PRELID2: variants seen among roughly 807,000 people sequenced by gnomAD.
PRELID2 encodes the protein PRELI domain containing 2.
In PRELID2, 25 loss-of-function variants were observed where a neutral mutation model predicts 28.4. The ratio of observed to expected loss-of-function variants is 0.88; its 90% CI spans 0.64 to 1.23. The LOEUF is 1.23. Among genes scored for constraint, PRELID2 ranks in the 50% most tolerant of loss-of-function variants. The pLI is 0.00. For missense variants in PRELID2, 201 were observed against 214.4 expected (o/e 0.94, Z 0.39); for synonymous variants, 76 against 71.6 (o/e 1.06, Z -0.31).
chr5:145,835,231 C>A lies in PRELID2; in HGVS notation c.21G>T (p.Val7=). Residue 7 remains valine, a synonymous_variant, in exon 1 of 7, where the codon GTG becomes GTT. Coordinates refer to ENST00000683046, the MANE Select transcript of PRELID2 (RefSeq NM_205846.3). Reference sequence around the variant, plus strand: ...CGAAGGGGTACTTGTACACCTGGTGCACATCCACCGAGACCCCCATCCCCG... The same window carrying A: ...CGAAGGGGTACTTGTACACCTGGTGAACATCCACCGAGACCCCCATCCCCG... The part of the protein sequence containing the change: MGVSVD[V]HQVYKYPFEQ... The A allele has an allele frequency of 6.5e-7, 1 of 1,548,608 alleles. No homozygotes were observed. Among genetic ancestry groups the A allele is most frequent in the South Asian group, 1.2e-5 (1 of 83,778 alleles).
At chr5:145,644,193 T>C (rs993975120) in intron 1 of PRELID2, among the ~76,000 whole-genome samples, 1 of 140,968 alleles carries the variant, frequency 7.1e-6, no homozygotes, top group Non-Finnish European at 1.5e-5. Flanking sequence ...ATTTCAGAAC[T>C]TGGTATTGGT....
At chr5:145,387,680 C>T in the PRELID2 span, among the ~76,000 whole-genome samples, 63 of 152,184 alleles carry the variant, frequency 4.1e-4, no homozygotes, top group African/African-American at 1.5e-3. Flanking sequence ...ATCTGTAATA[C>T]CAGCACTTTG....
chr5:145,615,170 T>C (rs1055628634), intron 1 of PRELID2, among the ~76,000 whole-genome samples: 4 of 152,190 alleles, frequency 2.6e-5, no homozygotes, highest in African/African-American at 9.7e-5. Context: ...TCCCTCTTTG[T>C]CTCTTTTAAC....
At chr5:145,266,188 G>T in the PRELID2 span, among the ~76,000 whole-genome samples, 1 of 151,856 alleles carries the variant, frequency 6.6e-6, no homozygotes, top group African/African-American at 2.4e-5. Context: ...CTTTCCAGGG[G>T]ATGTTGGGGA....
chr5:145,230,510 T>C, the PRELID2 span, among the ~76,000 whole-genome samples: 57,775 of 151,574 alleles, frequency 0.38, 11,851 homozygotes, highest in African/African-American at 0.51. Flanking sequence ...ATCTGGGAGG[T>C]GGAGGTTGCA....
the PRELID2 span, among the ~76,000 whole-genome samples, chr5:145,236,801 C>A: frequency 2.6e-4 from 39 of 152,244 alleles, 1 homozygote; most frequent in East Asian, 2.3e-3. Context: ...CCTTCCACAC[C>A]TTTAAGGAAA....
At chr5:145,345,448 C>T in the PRELID2 span, among the ~76,000 whole-genome samples, 4 of 151,884 alleles carry the variant, frequency 2.6e-5, no homozygotes, top group Admixed American at 1.3e-4. Flanking sequence ...TCAAAATGTT[C>T]CTCCCTCTCT....
intron 5 of PRELID2, among the ~76,000 whole-genome samples, chr5:145,767,076 T>C (rs575701115): frequency 1.3e-5 from 2 of 151,972 alleles, no homozygotes; most frequent in East Asian, 3.9e-4. Flanking sequence ...AGAATATACA[T>C]TCCCGTTTTC....
intron 1 of PRELID2, among the ~76,000 whole-genome samples, chr5:145,627,640 T>G (rs1280800451): frequency 6.7e-6 from 1 of 150,320 alleles, no homozygotes; most frequent in African/African-American, 2.5e-5. Flanking sequence ...CTGGACTACC[T>G]CTCTCACATA....
At chr5:145,275,046 A>C in the PRELID2 span, among the ~76,000 whole-genome samples, 145 of 152,212 alleles carry the variant, frequency 9.5e-4, no homozygotes, top group African/African-American at 3.4e-3. Flanking sequence ...GTGATATTGG[A>C]TTAGGGCTCA....
chr5:145,325,995 A>C, the PRELID2 span, among the ~76,000 whole-genome samples: 2 of 152,258 alleles, frequency 1.3e-5, no homozygotes, highest in South Asian at 2.1e-4. Flanking sequence ...ATTGGACAAC[A>C]ACACACAATT....
At chr5:145,434,099 T>C in the PRELID2 span, among the ~76,000 whole-genome samples, 1 of 152,198 alleles carries the variant, frequency 6.6e-6, no homozygotes, top group Non-Finnish European at 1.5e-5. Flanking sequence ...CCATGCTGCT[T>C]CTTTCCAAGT....
At chr5:145,400,954 TCC>T in the PRELID2 span, among the ~76,000 whole-genome samples, 5 of 152,022 alleles carry the variant, frequency 3.3e-5, no homozygotes, top group Admixed American at 6.6e-5. Context: ...AAAGGATGCC[TCC>T]CAGGGATTCA....
At chr5:145,818,300 A>T (rs1206396078) in intron 3 of PRELID2, among the ~76,000 whole-genome samples, 1 of 152,144 alleles carries the variant, frequency 6.6e-6, no homozygotes, top group African/African-American at 2.4e-5. Context: ...TAATTTACCT[A>T]ACTGCTAAAC....
intron 1 of PRELID2, 68 bp from the exon 2 acceptor site, chr5:145,823,202 C>A (rs10077055): frequency 3.8e-6 from 3 of 785,278 alleles, no homozygotes; most frequent in Admixed American, 3.9e-5. Flanking sequence ...TAGAAGTAAC[C>A]ACAGCTGTCT....
downstream of PRELID2, among the ~76,000 whole-genome samples, chr5:145,755,316 T>A (rs1757228009): frequency 6.6e-6 from 1 of 152,182 alleles, no homozygotes; most frequent in Non-Finnish European, 1.5e-5. Flanking sequence ...AGCCAAAGCT[T>A]TAGCAGAAAG....
chr5:145,464,799 T>C, the PRELID2 span, among the ~76,000 whole-genome samples: 1 of 152,186 alleles, frequency 6.6e-6, no homozygotes, highest in Non-Finnish European at 1.5e-5. Flanking sequence ...TGAATCAGCA[T>C]GTGTATTAGA....
chr5:145,473,221 T>C (rs771129089), exon 2 of PRELID2: 8 of 152,180 alleles, frequency 5.3e-5, no homozygotes, highest in Admixed American at 2.6e-4. Context: ...ACATGGGTTT[T>C]GGATCCACGC....
chr5:145,793,019 A>G (rs2149812852), intron 5 of PRELID2, among the ~76,000 whole-genome samples: 1 of 152,338 alleles, frequency 6.6e-6, no homozygotes, highest in East Asian at 1.9e-4. Context: ...TTTCAAGGAT[A>G]CATCTGTCAA....
Sources: gnomAD v4.1 joint callset for allele counts (sites outside exome capture counted in the v4.1 genomes callset) on GRCh38, gnomAD v4.1.1 for gene constraint, MANE v1.5 for transcripts, NCBI Gene and HGNC (gene_info 2026-07-23, HGNC 2026-07-21) for gene names.